The following VWA3B variants were observed in gnomAD, a reference collection of about 807,000 sequenced individuals.
The protein encoded by VWA3B is von Willebrand factor A domain-containing protein 3B.
VWA3B carries 138 observed loss-of-function variants against 158.3 expected under a neutral mutation model. That is an observed-to-expected ratio of 0.87 (90% CI 0.76 to 1.00). The LOEUF is 1.00. Among genes scored for constraint, VWA3B ranks in the 50% least tolerant of loss-of-function variants. VWA3B has a pLI of 0.00. For synonymous variants in VWA3B, 596 were observed against 587.3 expected (o/e 1.01, Z -0.21); for missense variants, 1,555 against 1,565.1 (o/e 0.99, Z 0.11).
At chr2:98,126,933 C>T (rs1675410900) in intron 5 of VWA3B, among the ~76,000 whole-genome samples, 1 of 152,066 alleles carries the variant, frequency 6.6e-6, no homozygotes, top group Non-Finnish European at 1.5e-5. Flanking sequence ...GCAGGCAGAG[C>T]ACCCCAACCA....
Position 98,093,060 on chromosome 2 carries a change from G to T in VWA3B, c.-32-1G>T, listed in dbSNP as rs756192227. ...GTCTGAGTTTATGATTGCCCTTACA[G>T]GAGTTTGCTGTGACTTAGATCTTGA... is the stretch of plus-strand genomic sequence containing the variant. On this transcript the variant is annotated splice_acceptor_variant, in intron 1 of 27. Transcript: ENST00000477737. LOFTEE classifies it low-confidence loss of function (5UTR_SPLICE). 2.2e-5 allele frequency: 35 copies of T among 1,604,272 alleles called. No individual in the cohort carries two copies. In the Middle Eastern group the frequency reaches 9.9e-4, roughly 46 times the overall value.
At chr2:98,191,007 G>A (rs557052464) in intron 10 of VWA3B, among the ~76,000 whole-genome samples, 44 of 151,930 alleles carry the variant, frequency 2.9e-4, no homozygotes, top group African/African-American at 1.0e-3. Flanking sequence ...TGTTCCATGG[G>A]CCACTAATTA....
At chr2:98,160,312 G>GTT (rs550722764) in intron 7 of VWA3B, among the ~76,000 whole-genome samples, 36 of 152,188 alleles carry the variant, frequency 2.4e-4, no homozygotes, top group African/African-American at 7.7e-4. Context: ...CTTTTTCACT[G>GTT]TTTTTTTGTT....
At chr2:98,223,113 A>C (rs1684642149) in intron 14 of VWA3B, among the ~76,000 whole-genome samples, 1 of 152,222 alleles carries the variant, frequency 6.6e-6, no homozygotes, top group Non-Finnish European at 1.5e-5. Flanking sequence ...ACAAATAGGC[A>C]ATCTCAGAAT....
intron 9 of VWA3B, among the ~76,000 whole-genome samples, chr2:98,181,866 C>T (rs918920858): frequency 6.6e-6 from 1 of 152,182 alleles, no homozygotes; most frequent in African/African-American, 2.4e-5. Context: ...GCATCCATAA[C>T]AACCCCCAGA....
chr2:98,232,199 G>A (rs1019331235), intron 16 of VWA3B, among the ~76,000 whole-genome samples: 1 of 152,146 alleles, frequency 6.6e-6, no homozygotes, highest in Non-Finnish European at 1.5e-5. Context: ...CAGCTTGGTC[G>A]AGTTTTGGCA....
intron 21 of VWA3B, among the ~76,000 whole-genome samples, chr2:98,266,126 A>G (rs1687809351): frequency 6.7e-6 from 1 of 149,446 alleles, no homozygotes; most frequent in South Asian, 2.1e-4. Context: ...GCCCATGCCT[A>G]TGTCCTGAAT....
At chr2:98,250,753 TAGA>T (rs977384222) in intron 20 of VWA3B, among the ~76,000 whole-genome samples, 25 of 152,168 alleles carry the variant, frequency 1.6e-4, no homozygotes, top group African/African-American at 6.0e-4. Context: ...TAAAAATAAT[TAGA>T]AGAGTATAGT....
At chr2:98,108,076 A>C (rs147155951) in intron 2 of VWA3B, among the ~76,000 whole-genome samples, 1 of 152,138 alleles carries the variant, frequency 6.6e-6, no homozygotes, top group African/African-American at 2.4e-5. Context: ...TTTCCACTTA[A>C]TTAAAAGTCT....
At chr2:98,176,138 C>T (rs555525176) in intron 8 of VWA3B, among the ~76,000 whole-genome samples, 307 of 152,304 alleles carry the variant, frequency 2.0e-3, no homozygotes, top group Non-Finnish European at 3.4e-3. Context: ...GGGCTGAAAC[C>T]TCACTCATCT....
chr2:98,325,821 A>C, the VWA3B span, among the ~76,000 whole-genome samples: 2 of 152,206 alleles, frequency 1.3e-5, no homozygotes, highest in African/African-American at 4.8e-5. Flanking sequence ...AGTAGACCAA[A>C]ACCAAAAACC....
At chr2:98,280,783 C>T (rs1688830760) in intron 22 of VWA3B, among the ~76,000 whole-genome samples, 1 of 152,192 alleles carries the variant, frequency 6.6e-6, no homozygotes, top group African/African-American at 2.4e-5. Flanking sequence ...TAAGGCAAGG[C>T]TAAGTGCCTA....
rs149246953 is a variant in VWA3B at position 98,210,601 on chromosome 2, C to G, written c.1738-1329C>G. On this transcript the variant is annotated intron_variant, in intron 12 of 27. Transcript: ENST00000477737. ...TGGGTCAGGTCATGGGGTTCCCCATCATGGCTGAGTCTGAGAAAGTCTTAA... is the reference window on the plus strand; with the variant it reads ...TGGGTCAGGTCATGGGGTTCCCCATGATGGCTGAGTCTGAGAAAGTCTTAA... Among the ~76,000 whole-genome samples, 13 of 152,334 alleles carry G rather than the reference C, an allele frequency of 8.5e-5. No individual in the cohort carries two copies. In the East Asian group the frequency reaches 2.3e-3, roughly 27 times the overall value.
In VWA3B at chr2:98,270,456, A is replaced by G. The variant is rs116412943; in HGVS notation, c.2844-226A>G. ...GAGGTAATAGGGAAAAGTGCCTACC[A>G]TAATTCACAGAGATGGTTATTTCTA... On this transcript the variant is annotated intron_variant, in intron 21 of 27. Coordinates refer to ENST00000477737, the MANE Select transcript of VWA3B (RefSeq NM_144992.5). 7.9e-3 allele frequency among the ~76,000 whole-genome samples: 1,202 copies of G among 152,340 alleles called. 15 individuals carry two copies. The highest frequency in any genetic ancestry group is 0.027 in the African/African-American group (1,135 of 41,574).
chr2:98,295,480 C>CT (rs1479933794), intron 23 of VWA3B, among the ~76,000 whole-genome samples: 1 of 152,218 alleles, frequency 6.6e-6, no homozygotes, highest in Non-Finnish European at 1.5e-5. Flanking sequence ...AGCACAGGCC[C>CT]TTTCTCCAGC....
Position 98,100,675 on chromosome 2 carries a change from T to A in VWA3B, c.196+7387T>A, listed in dbSNP as rs1259968182. 2.1e-4 allele frequency among the ~76,000 whole-genome samples: 32 copies of A among 152,196 alleles called. 1 individual carries two copies. The highest frequency in any genetic ancestry group is 2.0e-3 in the Admixed American group (31 of 15,280). ...GGCCTGCAGTCAAGGGCCATGTGGATCTGCCTGCTGCTGGATTTTCCTGTG... is the reference window on the plus strand; with the variant it reads ...GGCCTGCAGTCAAGGGCCATGTGGAACTGCCTGCTGCTGGATTTTCCTGTG... On this transcript the variant is annotated intron_variant, in intron 2 of 27. Transcript: ENST00000477737.
chr2:98,211,618 G>A (rs1016502049), intron 12 of VWA3B, among the ~76,000 whole-genome samples: 7 of 152,178 alleles, frequency 4.6e-5, no homozygotes, highest in African/African-American at 2.4e-5. Context: ...GTTGACAGAC[G>A]AGTGAGCAGT....
chr2:98,102,263 G>A (rs1683133409), intron 2 of VWA3B, among the ~76,000 whole-genome samples: 1 of 152,190 alleles, frequency 6.6e-6, no homozygotes, highest in Admixed American at 6.5e-5. Context: ...AGTCTCTTAT[G>A]TCTACTTCTT....
At chr2:98,184,704 G>C (rs974887136) in intron 9 of VWA3B, among the ~76,000 whole-genome samples, 1 of 152,184 alleles carries the variant, frequency 6.6e-6, no homozygotes, top group Non-Finnish European at 1.5e-5. Flanking sequence ...GATGCTTACC[G>C]GGGCTCCTCT....
Sources: allele counts gnomAD v4.1 joint callset (sites outside exome capture counted in the v4.1 genomes callset), GRCh38; gene constraint gnomAD v4.1.1; transcripts MANE v1.5; gene names NCBI Gene and HGNC (gene_info 2026-07-23, HGNC 2026-07-21).